The following KLF8 variants were observed in gnomAD, a reference collection of about 807,000 sequenced individuals.
KLF8 encodes Krueppel-like factor 8.
KLF8 carries 10 observed loss-of-function variants against 18.2 expected under a neutral mutation model. The observed-to-expected ratio is 0.55, with a 90% CI of 0.34 to 0.93. KLF8 has a LOEUF of 0.93. KLF8 is among the 40% of genes least tolerant of loss of function. The pLI is 0.02. For missense variants in KLF8, 264 were observed against 277.9 expected (o/e 0.95, Z 0.36); for synonymous variants, 109 against 97.3 (o/e 1.12, Z -0.71).
the KLF8 span, among the ~76,000 whole-genome samples, chrX:56,100,070 C>T: frequency 0.012 from 1,324 of 111,337 alleles, 21 homozygotes; most frequent in African/African-American, 0.042. Context: ...TTCAAAGCTT[C>T]GAAAGACAGG....
chrX:56,069,843 C>T, the KLF8 span, among the ~76,000 whole-genome samples: 3 of 112,450 alleles, frequency 2.7e-5, no homozygotes, highest in African/African-American at 6.5e-5. Context: ...TTCAGTGTGA[C>T]GATTCCTCAA....
chrX:55,943,871 G>A, the KLF8 span, among the ~76,000 whole-genome samples: 1 of 112,250 alleles, frequency 8.9e-6, no homozygotes, highest in Non-Finnish European at 1.9e-5. Flanking sequence ...GAGTCTGTTT[G>A]CTGGATGGGG....
At chrX:56,075,005 A>T in the KLF8 span, among the ~76,000 whole-genome samples, 2 of 110,837 alleles carry the variant, frequency 1.8e-5, no homozygotes, top group Admixed American at 9.6e-5. Context: ...TATGGAGTAC[A>T]TGATGTGTTT....
At chrX:56,157,836 AGG>A in the KLF8 span, among the ~76,000 whole-genome samples, 1 of 111,384 alleles carries the variant, frequency 9.0e-6, no homozygotes, top group African/African-American at 3.3e-5. Context: ...CCCATTCTGT[AGG>A]TTGCCTGTTC....
chrX:55,971,808 G>T, the KLF8 span, among the ~76,000 whole-genome samples: 2 of 111,069 alleles, frequency 1.8e-5, no homozygotes, highest in Non-Finnish European at 3.8e-5. Context: ...ATATGAAAAG[G>T]TGCTCAATGT....
At chrX:56,080,094 C>T in the KLF8 span, among the ~76,000 whole-genome samples, 17 of 111,403 alleles carry the variant, frequency 1.5e-4, 2 homozygotes, top group South Asian at 6.5e-3. Context: ...GGTCTTGACT[C>T]TTTATCCAAT....
the KLF8 span, among the ~76,000 whole-genome samples, chrX:56,057,573 A>G: frequency 4.5e-5 from 5 of 111,388 alleles, no homozygotes; most frequent in Admixed American, 4.8e-4. Context: ...GAAACGTTTC[A>G]CCAGCACAGA....
At chrX:56,109,015 T>C in the KLF8 span, among the ~76,000 whole-genome samples, 4 of 111,936 alleles carry the variant, frequency 3.6e-5, no homozygotes, top group African/African-American at 1.3e-4. Context: ...CTTCTGGTGT[T>C]GATTTCTAGT....
chrX:55,953,444 C>A, the KLF8 span, among the ~76,000 whole-genome samples: 1 of 73,525 alleles, frequency 1.4e-5, no homozygotes, highest in Non-Finnish European at 3.5e-5. Context: ...CTCAAAATCC[C>A]AGGTGGATTT....
chrX:56,026,887 G>T, the KLF8 span, among the ~76,000 whole-genome samples: 2 of 112,745 alleles, frequency 1.8e-5, no homozygotes, highest in South Asian at 3.7e-4. Context: ...TCCACTTGAA[G>T]ATCTTCAAAA....
the KLF8 span, among the ~76,000 whole-genome samples, chrX:56,124,967 T>TAA: frequency 8.9e-5 from 10 of 112,058 alleles, no homozygotes; most frequent in Admixed American, 7.6e-4. Flanking sequence ...GATTTTAGGC[T>TAA]AACAGTCAAG....
chrX:56,155,353 G>C, the KLF8 span, among the ~76,000 whole-genome samples: 1 of 111,117 alleles, frequency 9.0e-6, no homozygotes, highest in Non-Finnish European at 1.9e-5. Flanking sequence ...ACTATCGCAA[G>C]GAGAAAAAAC....
At chrX:55,938,763 C>T in the KLF8 span, among the ~76,000 whole-genome samples, 1 of 111,138 alleles carries the variant, frequency 9.0e-6, no homozygotes, top group East Asian at 2.8e-4. Flanking sequence ...CAACAAAGAT[C>T]AAAAGAGACA....
chrX:56,070,868 C>T, the KLF8 span, among the ~76,000 whole-genome samples: 1 of 112,562 alleles, frequency 8.9e-6, no homozygotes, highest in African/African-American at 3.2e-5. Flanking sequence ...ATAAGGTAGT[C>T]ACATGTAAGC....
the KLF8 span, among the ~76,000 whole-genome samples, chrX:56,007,492 C>A: frequency 9.0e-6 from 1 of 111,346 alleles, no homozygotes; most frequent in African/African-American, 3.3e-5. Context: ...GAACCTGAAC[C>A]ACTGGGGATC....
chrX:56,161,938 A>G, the KLF8 span, among the ~76,000 whole-genome samples: 3 of 111,259 alleles, frequency 2.7e-5, no homozygotes, highest in African/African-American at 9.8e-5. Flanking sequence ...TGACATACAG[A>G]TGGGGTTTTG....
At chrX:56,213,269 TTTTTCTTTTG>T in the KLF8 span, among the ~76,000 whole-genome samples, 1,250 of 98,553 alleles carry the variant, frequency 0.013, 97 homozygotes, top group African/African-American at 0.052. Flanking sequence ...GACCTATTTC[TTTTTCTTTTG>T]TTTTCTTTTC....
chrX:55,928,184 T>A, the KLF8 span, among the ~76,000 whole-genome samples: 6 of 111,751 alleles, frequency 5.4e-5, no homozygotes, highest in Non-Finnish European at 1.1e-4. Flanking sequence ...AGTCTGATTA[T>A]AGTTAGACTG....
the KLF8 span, among the ~76,000 whole-genome samples, chrX:56,113,615 A>G: frequency 3.2e-4 from 34 of 106,650 alleles, no homozygotes; most frequent in Non-Finnish European, 6.4e-4. Context: ...GAGAAAAAAG[A>G]AAAAAAGAAA....
Sources: allele counts gnomAD v4.1 joint callset (sites outside exome capture counted in the v4.1 genomes callset), GRCh38; gene constraint gnomAD v4.1.1; transcripts MANE v1.5; gene names NCBI Gene and HGNC (gene_info 2026-07-23, HGNC 2026-07-21).